The following CLINT1 variants were observed in gnomAD, a reference collection of about 807,000 sequenced individuals.
CLINT1 encodes the protein clathrin interacting protein localized in the trans-Golgi region.
CLINT1 carries 15 observed loss-of-function variants against 70.4 expected under a neutral mutation model. The observed-to-expected ratio is 0.21, with a 90% CI of 0.14 to 0.33. The LOEUF (loss-of-function observed/expected upper bound fraction) is 0.33. Among genes scored for constraint, CLINT1 ranks in the 10% least tolerant of loss-of-function variants. CLINT1 has a pLI of 1.00. For synonymous variants in CLINT1, 227 were observed against 254.7 expected (o/e 0.89, Z 1.04); for missense variants, 615 against 778.1 (o/e 0.79, Z 2.49).
intron 8 of CLINT1, among the ~76,000 whole-genome samples, chr5:157,797,842 A>C (rs1762110368): frequency 1.3e-5 from 2 of 152,362 alleles, no homozygotes; most frequent in Admixed American, 6.5e-5. Context: ...TCTATCACCA[A>C]AACAGAAATT....
At chr5:157,853,452 T>C (rs1050044152) in intron 1 of CLINT1, among the ~76,000 whole-genome samples, 4 of 151,646 alleles carry the variant, frequency 2.6e-5, no homozygotes, top group African/African-American at 9.7e-5. Context: ...GGCTAAGTAC[T>C]TTCAATGGAC....
intron 4 of CLINT1, among the ~76,000 whole-genome samples, chr5:157,813,709 A>T (rs1046137033): frequency 6.6e-6 from 1 of 152,240 alleles, no homozygotes; most frequent in Non-Finnish European, 1.5e-5. Flanking sequence ...CTGAATTTTT[A>T]AAGTGCTTAC....
chr5:157,847,716 T>C (rs889610229), intron 1 of CLINT1, among the ~76,000 whole-genome samples: 1 of 152,188 alleles, frequency 6.6e-6, no homozygotes, highest in Non-Finnish European at 1.5e-5. Flanking sequence ...ATGATAAAGC[T>C]TGAATGATGA....
intron 1 of CLINT1, among the ~76,000 whole-genome samples, chr5:157,834,999 G>A (rs1394008446): frequency 2.6e-5 from 4 of 152,130 alleles, no homozygotes; most frequent in African/African-American, 7.2e-5. Context: ...TAGCAGAGGA[G>A]CAAAAAACGT....
chr5:157,858,438 A>T (rs1753824168), intron 1 of CLINT1, among the ~76,000 whole-genome samples: 1 of 152,228 alleles, frequency 6.6e-6, no homozygotes, highest in East Asian at 1.9e-4. Context: ...TTAGGAATTA[A>T]GAGGAGGCAA....
intron 1 of CLINT1, among the ~76,000 whole-genome samples, chr5:157,827,346 TA>T (rs1459355914): frequency 6.6e-6 from 1 of 152,094 alleles, no homozygotes; most frequent in Non-Finnish European, 1.5e-5. Flanking sequence ...CCATTTTATA[TA>T]AAAGGTCATT....
chr5:157,841,631 T>C (rs1753181811), intron 1 of CLINT1, among the ~76,000 whole-genome samples: 1 of 152,182 alleles, frequency 6.6e-6, no homozygotes, highest in Admixed American at 6.5e-5. Flanking sequence ...TCATTTTTTT[T>C]CGGGTTTTTT....
chr5:157,851,572 CAGCTACTTGGGAGGATCGCTTA>C (rs202244115), intron 1 of CLINT1, among the ~76,000 whole-genome samples: 11,935 of 150,912 alleles, frequency 0.079, 539 homozygotes, highest in East Asian at 0.17. Context: ...TCTGTCGTCC[CAGCTACTTGGGAGGATCGCTTA>C]AGCTACTTGG....
At chr5:157,803,569 C>A in intron 8 of CLINT1, 81 bp downstream of exon 8, 1 of 976,248 alleles carries the variant, frequency 1.0e-6, no homozygotes. Context: ...AATAAGTAAT[C>A]TTATTTTTCA....
At chr5:157,847,698 G>A (rs1376587776) in intron 1 of CLINT1, among the ~76,000 whole-genome samples, 1 of 152,150 alleles carries the variant, frequency 6.6e-6, no homozygotes, top group Non-Finnish European at 1.5e-5. Context: ...CTGAATTGCT[G>A]TAATCTCATG....
intron 6 of CLINT1, 21 bp from the exon 7 acceptor site, chr5:157,806,133 A>T: frequency 2.5e-6 from 4 of 1,609,720 alleles, no homozygotes; most frequent in Non-Finnish European, 3.4e-6. Flanking sequence ...TTAAAAATGA[A>T]GCAAAATAAT....
At chr5:157,843,954 T>C (rs1420288570) in intron 1 of CLINT1, among the ~76,000 whole-genome samples, 1 of 152,142 alleles carries the variant, frequency 6.6e-6, no homozygotes, top group African/African-American at 2.4e-5. Flanking sequence ...TATCAGATGC[T>C]AATCAAAAGT....
chr5:157,839,316 C>A (rs1454951115), intron 1 of CLINT1, among the ~76,000 whole-genome samples: 1 of 151,634 alleles, frequency 6.6e-6, no homozygotes. Context: ...GAACTTTGTC[C>A]CAGGCCAGGT....
intron 1 of CLINT1, among the ~76,000 whole-genome samples, chr5:157,848,483 G>T (rs542364926): frequency 4.6e-5 from 7 of 151,850 alleles, no homozygotes; most frequent in Non-Finnish European, 7.4e-5. Context: ...TAAAGCAGTA[G>T]CAGAGTTTTA....
chr5:157,840,375 T>C (rs903927733), intron 1 of CLINT1, among the ~76,000 whole-genome samples: 13 of 152,076 alleles, frequency 8.5e-5, no homozygotes, highest in Admixed American at 8.5e-4. Context: ...AATGAAATCC[T>C]GGAATGGGAC....
chr5:157,838,626 T>C (rs1267257864), intron 1 of CLINT1, among the ~76,000 whole-genome samples: 3 of 152,186 alleles, frequency 2.0e-5, no homozygotes, highest in Non-Finnish European at 4.4e-5. Context: ...CTGCCATAAT[T>C]GAGACTCTTA....
At chr5:157,807,508 A>G (rs1290495177) in intron 6 of CLINT1, among the ~76,000 whole-genome samples, 3 of 152,234 alleles carry the variant, frequency 2.0e-5, no homozygotes, top group Non-Finnish European at 2.9e-5. Context: ...TAGTGAACTA[A>G]TAAGTATGAA....
chr5:157,856,172 C>T (rs1753754195), intron 1 of CLINT1, among the ~76,000 whole-genome samples: 2 of 152,090 alleles, frequency 1.3e-5, no homozygotes, highest in Admixed American at 1.3e-4. Context: ...CCCTTTTCAG[C>T]CTAAATTGTC....
chr5:157,796,598 C>G (rs1762074009), intron 8 of CLINT1, among the ~76,000 whole-genome samples: 1 of 152,180 alleles, frequency 6.6e-6, no homozygotes, highest in African/African-American at 2.4e-5. Flanking sequence ...ACTGGAACAT[C>G]TGGGCTGCAC....
Sources: allele counts gnomAD v4.1 joint callset (sites outside exome capture counted in the v4.1 genomes callset), GRCh38; gene constraint gnomAD v4.1.1; transcripts MANE v1.5; gene names NCBI Gene and HGNC (gene_info 2026-07-23, HGNC 2026-07-21).